CSGALNACT1: variants seen among roughly 807,000 people sequenced by gnomAD.
The protein encoded by CSGALNACT1 is beta4GalNAcT-1.
A neutral mutation model predicts 51.0 loss-of-function variants in CSGALNACT1; 52 were observed. That is an observed-to-expected ratio of 1.02 (90% CI 0.82 to 1.29). CSGALNACT1 has a LOEUF of 1.29. CSGALNACT1 is among the 50% of genes most tolerant of loss of function. CSGALNACT1 has a pLI of 0.00. For synonymous variants in CSGALNACT1, 341 were observed against 254.4 expected, an observed-to-expected ratio of 1.34 and a Z score of -3.24; for missense variants, 935 against 679.2, an observed-to-expected ratio of 1.38 and a Z score of -4.19.
In CSGALNACT1 at chr8:19,600,027, A is replaced by C. The variant is rs4559255; in HGVS notation, c.-416+1744T>G. On this transcript the variant is annotated intron_variant, in intron 2 of 9. Coordinates refer to ENST00000454498, the Ensembl canonical transcript of CSGALNACT1. ...GCCTTGTGTGTTAAACATATCCTTC[A>C]TAGAGCTTGCTCCACCATGGTTCAT... is the stretch of plus-strand genomic sequence containing the variant. Among the ~76,000 whole-genome samples, 119 of 152,292 alleles carry C rather than the reference A, an allele frequency of 7.8e-4. 3 individuals carry two copies. The South Asian group carries it at 0.024, about 31-fold the overall frequency.
intron 3 of CSGALNACT1, among the ~76,000 whole-genome samples, chr8:19,565,943 G>C (rs1164212086): frequency 6.6e-6 from 1 of 152,134 alleles, no homozygotes; most frequent in Non-Finnish European, 1.5e-5. Context: ...CTTCAAGGCT[G>C]ATCTAGTCTT....
intron 1 of CSGALNACT1, among the ~76,000 whole-genome samples, chr8:19,661,046 G>A (rs1362389852): frequency 6.6e-6 from 1 of 151,876 alleles, no homozygotes; most frequent in Admixed American, 6.6e-5. Flanking sequence ...CCAAGTAGCT[G>A]GGTCTACAGG....
intron 3 of CSGALNACT1, among the ~76,000 whole-genome samples, chr8:19,515,754 T>G (rs4554481): frequency 6.6e-6 from 1 of 151,622 alleles, no homozygotes; most frequent in Admixed American, 6.6e-5. Flanking sequence ...GCTGGCAAAC[T>G]TTTAGAGAGG....
chr8:19,668,487 T>C (rs2059554449), intron 1 of CSGALNACT1, among the ~76,000 whole-genome samples: 1 of 152,234 alleles, frequency 6.6e-6, no homozygotes, highest in African/African-American at 2.4e-5. Context: ...CTTAAATAAC[T>C]GATCAATTAC....
chr8:19,647,925 C>T (rs2057425971), intron 1 of CSGALNACT1, among the ~76,000 whole-genome samples: 1 of 152,132 alleles, frequency 6.6e-6, no homozygotes, highest in Admixed American at 6.5e-5. Flanking sequence ...CTGTGTTGTG[C>T]CAATCTCAGA....
chr8:19,667,670 C>G (rs1237602194), intron 1 of CSGALNACT1, among the ~76,000 whole-genome samples: 1 of 150,966 alleles, frequency 6.6e-6, no homozygotes, highest in Non-Finnish European at 1.5e-5. Flanking sequence ...AGACTAACGT[C>G]TCTTCCTCAG....
At chr8:19,669,951 C>G (rs1445266808) in intron 1 of CSGALNACT1, among the ~76,000 whole-genome samples, 1 of 152,182 alleles carries the variant, frequency 6.6e-6, no homozygotes, top group African/African-American at 2.4e-5. Context: ...ACAACTCACT[C>G]TCCCCTCAAA....
intron 3 of CSGALNACT1, among the ~76,000 whole-genome samples, chr8:19,517,388 C>G (rs368007106): frequency 2.3e-4 from 35 of 152,094 alleles, no homozygotes; most frequent in African/African-American, 8.2e-4. Context: ...TGCCGTGAGC[C>G]GAGATTGCAC....
chr8:19,568,771 T>C (rs925992238), intron 3 of CSGALNACT1, among the ~76,000 whole-genome samples: 9 of 152,196 alleles, frequency 5.9e-5, no homozygotes, highest in Admixed American at 1.3e-4. Flanking sequence ...ATTTGAAATT[T>C]CTGTCTCAAT....
At chr8:19,576,530 A>G (rs1386282112) in intron 3 of CSGALNACT1, among the ~76,000 whole-genome samples, 1 of 151,990 alleles carries the variant, frequency 6.6e-6, no homozygotes. Context: ...TGCAGTGGTG[A>G]TAAGATTGCT....
upstream of CSGALNACT1, among the ~76,000 whole-genome samples, chr8:19,684,565 C>G (rs1438808870): frequency 2.6e-5 from 4 of 152,132 alleles, no homozygotes; most frequent in African/African-American, 9.7e-5. Flanking sequence ...CAGATGCCTC[C>G]TCCCCTCCTC....
At chr8:19,541,577 T>TTTTC (rs2085161599) in intron 3 of CSGALNACT1, among the ~76,000 whole-genome samples, 2 of 143,424 alleles carry the variant, frequency 1.4e-5, no homozygotes, top group African/African-American at 2.6e-5. Flanking sequence ...TTTTTTTTTT[T>TTTTC]TTAGTAGAGA....
intron 3 of CSGALNACT1, among the ~76,000 whole-genome samples, chr8:19,512,488 T>G (rs2078654793): frequency 6.6e-6 from 1 of 152,206 alleles, no homozygotes; most frequent in East Asian, 1.9e-4. Context: ...GATAGATAAC[T>G]AATTCACAGG....
intron 3 of CSGALNACT1, among the ~76,000 whole-genome samples, chr8:19,568,426 A>C (rs2042328904): frequency 6.6e-6 from 1 of 152,186 alleles, no homozygotes; most frequent in South Asian, 2.1e-4. Context: ...ATTGACCCAG[A>C]CATCATTATG....
intron 3 of CSGALNACT1, among the ~76,000 whole-genome samples, chr8:19,557,987 A>T (rs1003323738): frequency 1.3e-4 from 20 of 152,228 alleles, no homozygotes; most frequent in African/African-American, 4.6e-4. Flanking sequence ...ATAAACAAGT[A>T]AACAAATACA....
At chr8:19,681,170 G>A (rs372089114) in intron 1 of CSGALNACT1, among the ~76,000 whole-genome samples, 1 of 152,102 alleles carries the variant, frequency 6.6e-6, no homozygotes, top group African/African-American at 2.4e-5. Flanking sequence ...TACTAGGAAA[G>A]CATCTCCCAC....
At chr8:19,598,947 G>C (rs973604950) in intron 2 of CSGALNACT1, among the ~76,000 whole-genome samples, 3 of 152,156 alleles carry the variant, frequency 2.0e-5, no homozygotes, top group African/African-American at 7.2e-5. Context: ...CCTCAAGCTA[G>C]AGTACAGGAA....
At chr8:19,464,395 C>T (rs76171660) in intron 4 of CSGALNACT1, among the ~76,000 whole-genome samples, 2,420 of 152,244 alleles carry the variant, frequency 0.016, 27 homozygotes, top group Non-Finnish European at 0.024. Flanking sequence ...AATAAAGTAT[C>T]GATACCACAG....
In CSGALNACT1 at chr8:19,679,049, G is replaced by A. The variant is rs542770819; in HGVS notation, c.-544+3424C>T. 7.2e-5 allele frequency among the ~76,000 whole-genome samples: 11 copies of A among 152,266 alleles called. No individual in the cohort carries two copies. In the South Asian group the frequency reaches 2.1e-3, roughly 29 times the overall value. ...AAGGAAACAGTCTTACAAACGTTAT[G>A]CAATCAATAGTGTAGAAAAATTTCA... On this transcript the variant is annotated intron_variant, in intron 1 of 9. Transcript: ENST00000332246.
Sources: gnomAD v4.1 joint callset for allele counts (sites outside exome capture counted in the v4.1 genomes callset) on GRCh38, gnomAD v4.1.1 for gene constraint, MANE v1.5 for transcripts, NCBI Gene and HGNC (gene_info 2026-07-23, HGNC 2026-07-21) for gene names.